Variants in CYRIB observed in about 807,000 individuals in gnomAD.
CYRIB encodes the protein CYFIP-related Rac1 interactor B.
A neutral mutation model predicts 44.2 loss-of-function variants in CYRIB; 8 were observed. The ratio of observed to expected loss-of-function variants is 0.18; its 90% CI spans 0.11 to 0.33. The LOEUF is 0.33. Ranked by LOEUF, CYRIB falls within the 10% of genes least tolerant of loss-of-function variation. The pLI, the probability that CYRIB is intolerant of heterozygous loss-of-function variation, is 1.00. For synonymous variants in CYRIB, 131 were observed against 127.2 expected, an observed-to-expected ratio of 1.03 and a Z score of -0.20; for missense variants, 185 against 382.8, an observed-to-expected ratio of 0.48 and a Z score of 4.31.
upstream of CYRIB, among the ~76,000 whole-genome samples, chr8:129,943,053 T>C (rs1319453739): frequency 6.6e-6 from 1 of 151,764 alleles, no homozygotes; most frequent in Non-Finnish European, 1.5e-5. Context: ...CAATCATTGA[T>C]TCACTCAATC....
intron 11 of CYRIB, among the ~76,000 whole-genome samples, chr8:129,846,586 A>G (rs1350810737): frequency 6.6e-6 from 1 of 152,266 alleles, no homozygotes; most frequent in Non-Finnish European, 1.5e-5. Flanking sequence ...CAGAAAATGA[A>G]GCTGCTATTG....
intron 2 of CYRIB, among the ~76,000 whole-genome samples, chr8:129,956,778 G>A (rs2094862520): frequency 6.6e-6 from 1 of 151,642 alleles, no homozygotes; most frequent in Non-Finnish European, 1.5e-5. Context: ...GTCTTTACTT[G>A]ACATTTAAGC....
chr8:130,008,784 AG>A (rs1156501991), intron 1 of CYRIB, among the ~76,000 whole-genome samples: 8 of 152,250 alleles, frequency 5.3e-5, no homozygotes, highest in African/African-American at 1.9e-4. Flanking sequence ...CCAGAAGCAG[AG>A]GGCAAGACAC....
intron 1 of CYRIB, among the ~76,000 whole-genome samples, chr8:129,932,957 A>T (rs148028968): frequency 1.6e-4 from 24 of 152,286 alleles, no homozygotes; most frequent in African/African-American, 5.5e-4. Flanking sequence ...TAGCCACCCA[A>T]ATGGTGGGTT....
intron 2 of CYRIB, among the ~76,000 whole-genome samples, chr8:129,958,829 G>T (rs1168160474): frequency 6.6e-6 from 1 of 151,644 alleles, no homozygotes; most frequent in Non-Finnish European, 1.5e-5. Context: ...ACTTTGGGAG[G>T]CTGAGGCGGG....
chr8:129,956,137 G>A (rs2094815058), intron 2 of CYRIB, among the ~76,000 whole-genome samples: 1 of 152,100 alleles, frequency 6.6e-6, no homozygotes, highest in South Asian at 2.1e-4. Context: ...AAACTGTCTC[G>A]TGGAGCGCAG....
At chr8:129,903,767 A>G (rs1289839016) in intron 1 of CYRIB, among the ~76,000 whole-genome samples, 1 of 152,224 alleles carries the variant, frequency 6.6e-6, no homozygotes, top group East Asian at 1.9e-4. Flanking sequence ...GTTTAAGTTC[A>G]TTCAGTTTCA....
intron 2 of CYRIB, among the ~76,000 whole-genome samples, chr8:129,895,708 T>G (rs1039514323): frequency 2.6e-5 from 4 of 152,178 alleles, no homozygotes; most frequent in Non-Finnish European, 5.9e-5. Flanking sequence ...ATTTATGTAT[T>G]TATTTATTTA....
At chr8:129,908,645 C>T (rs973877231) in intron 1 of CYRIB, among the ~76,000 whole-genome samples, 2 of 151,986 alleles carry the variant, frequency 1.3e-5, no homozygotes, top group African/African-American at 2.4e-5. Context: ...TAATATGTAT[C>T]TCTCTACTGA....
chr8:129,911,415 T>A (rs1000693116), intron 1 of CYRIB, among the ~76,000 whole-genome samples: 2 of 152,216 alleles, frequency 1.3e-5, no homozygotes, highest in Non-Finnish European at 2.9e-5. Flanking sequence ...ATATTTATTA[T>A]AATATTCCTT....
At chr8:129,850,245 T>G (rs1262186114) in intron 9 of CYRIB, 2 of 153,786 alleles carry the variant, frequency 1.3e-5, no homozygotes, top group African/African-American at 4.8e-5. Flanking sequence ...TGACTGTATT[T>G]ATTATTCTGG....
At position 129,930,365 on chromosome 8, in the gene CYRIB, T is replaced by TTTTATATATATA. The variant is rs369665802; in HGVS notation, c.-50+9242_-50+9243insTATATATATAAA. On this transcript the variant is annotated intron_variant, in intron 1 of 11. Transcript: ENST00000519824. ...TCAACTAGGAAGAATTGTGAAGTGC[T>TTTTATATATATA]TATATATATATATATTTTAATTATT... Among the ~76,000 whole-genome samples the TTTTATATATATA allele has an allele frequency of 5.8e-3, 293 of 50,420 alleles. 34 individuals carry two copies. The highest frequency in any genetic ancestry group is 8.6e-3 in the Non-Finnish European group (218 of 25,224). 33.1% of individuals were successfully genotyped at this position (50,420 alleles called of 152,430 possible).
chr8:129,844,391 AT>A (rs2038553008), intron 11 of CYRIB: 1 of 152,254 alleles, frequency 6.6e-6, no homozygotes, highest in Admixed American at 6.5e-5. Flanking sequence ...ATACGTGAAA[AT>A]AAAACATGAA....
In CYRIB at chr8:129,855,189, G is replaced by A. The variant is rs1472988709; in HGVS notation, c.438+422C>T. On this transcript the variant is annotated intron_variant, in intron 6 of 11. Transcript: ENST00000519824. ...GTGGATCACCTGAGGTCAGGAGTTC[G>A]AGATCAGCCTGGCCAACATGGTGAA... is the stretch of plus-strand genomic sequence containing the variant. Among the ~76,000 whole-genome samples the A allele has an allele frequency of 3.3e-5, 5 of 152,018 alleles. No individual in the cohort carries two copies. In the East Asian group the frequency reaches 7.7e-4, roughly 23 times the overall value.
At chr8:129,920,496 T>G (rs1368008856) in intron 1 of CYRIB, among the ~76,000 whole-genome samples, 1 of 152,150 alleles carries the variant, frequency 6.6e-6, no homozygotes, top group Admixed American at 6.5e-5. Flanking sequence ...TTTCTTTATT[T>G]CCTAGACTTA....
chr8:129,967,397 TGAGA>T (rs1409250902), intron 2 of CYRIB, among the ~76,000 whole-genome samples: 12 of 151,802 alleles, frequency 7.9e-5, no homozygotes, highest in African/African-American at 2.9e-4. Flanking sequence ...GTTTTTTTTT[TGAGA>T]TGGAGTCTTG....
intron 2 of CYRIB, among the ~76,000 whole-genome samples, chr8:129,955,590 T>G (rs1380939567): frequency 6.6e-6 from 1 of 152,186 alleles, no homozygotes; most frequent in Non-Finnish European, 1.5e-5. Context: ...AACAGCCCTA[T>G]TTACCTCTTA....
At chr8:129,841,906 A>AT in exon 12 of CYRIB, 1 of 424,738 alleles carries the variant, frequency 2.4e-6, no homozygotes, top group Non-Finnish European at 4.2e-6. Context: ...GCAATGCATA[A>AT]TTAGCTGCCT....
intron 3 of CYRIB, among the ~76,000 whole-genome samples, chr8:129,876,387 A>C (rs746605547): frequency 1.4e-4 from 22 of 152,208 alleles, no homozygotes; most frequent in Middle Eastern, 6.8e-3. Context: ...AAACAAAACA[A>C]AATTATGAGC....
Sources: gnomAD v4.1 joint callset for allele counts (sites outside exome capture counted in the v4.1 genomes callset) on GRCh38, gnomAD v4.1.1 for gene constraint, MANE v1.5 for transcripts, NCBI Gene and HGNC (gene_info 2026-07-23, HGNC 2026-07-21) for gene names.